The following SI variants were observed in gnomAD, a reference collection of about 807,000 sequenced individuals.
The protein encoded by SI is sucrase-isomaltase, also known as sucrase-isomaltase, intestinal.
SI carries 235 observed loss-of-function variants against 253.3 expected under a neutral mutation model. That is an observed-to-expected ratio of 0.93 (90% CI 0.83 to 1.03). The LOEUF (loss-of-function observed/expected upper bound fraction) is 1.03. SI is among the 50% of genes least tolerant of loss of function. SI has a pLI of 0.00. For synonymous variants in SI, 819 were observed against 712.0 expected (o/e 1.15, Z -2.39); for missense variants, 2,442 against 2,211.1 (o/e 1.10, Z -2.09).
chr3:165,040,712 A>G (rs762957627), intron 18 of SI, among the ~76,000 whole-genome samples: 17 of 152,024 alleles, frequency 1.1e-4, no homozygotes, highest in Non-Finnish European at 1.6e-4. Context: ...CATATTTTAT[A>G]TATCTTTTCC....
At chr3:165,023,874 T>C (rs1711762367) in intron 25 of SI, 98 bp from the exon 26 acceptor site, 1 of 844,576 alleles carries the variant, frequency 1.2e-6, no homozygotes, top group African/African-American at 1.7e-5. Context: ...TTGTATGATT[T>C]ACAAGTTTCA....
Position 164,996,502 on chromosome 3 carries a change from A to C in SI, c.4692+33T>G, listed in dbSNP as rs554576453. 1.9e-4 allele frequency: 223 copies of C among 1,152,744 alleles called. 3 individuals carry two copies. The South Asian group carries it at 2.7e-3, about 14-fold the overall frequency. The allele number at this position is 1,152,744 out of a possible 1,614,324, so 71.4% of individuals were successfully genotyped here. A position where few individuals can be genotyped will look rare whatever the true frequency, so the allele number is the denominator to read the frequency against. ...TATAATGAAGCATAGCCCAAGTAAG[A>C]AAATACTGAAAGTAAATGTAGTAAT... On this transcript the variant is annotated intron_variant, in intron 40 of 47. Coordinates refer to ENST00000264382, the MANE Select transcript of SI (RefSeq NM_001041.4).
Position 164,987,217 on chromosome 3 carries a change from T to C in SI, c.5118A>G (p.Lys1706=). The change falls in exon 45 of 48, where the codon AAA becomes AAG. Residue 1706 remains lysine (K), a synonymous_variant. Transcript: ENST00000264382. ...PAQNTFYSRQ[K]HMKLIVAADD... ...CTGCAGCAACAATGAGCTTCATGTG[T>C]TTTTGTCGACTATAAGAAAGAAATA... 6.2e-7 allele frequency: 1 copy of C among 1,613,184 alleles called. No homozygotes were observed. Among genetic ancestry groups the C allele is most frequent in the African/African-American group, 1.3e-5 (1 of 75,016 alleles).
chr3:165,038,520 C>T (rs1000842484), intron 20 of SI, among the ~76,000 whole-genome samples: 14 of 142,102 alleles, frequency 9.9e-5, no homozygotes, highest in Admixed American at 4.3e-4. Context: ...CTATCCTGGC[C>T]AACATGGTGA....
intron 37 of SI, among the ~76,000 whole-genome samples, chr3:165,005,739 G>T (rs926888157): frequency 6.6e-6 from 1 of 152,046 alleles, no homozygotes; most frequent in Non-Finnish European, 1.5e-5. Context: ...AATTATAGAT[G>T]ATTTCTATAT....
chr3:164,991,307 G>GTT, intron 44 of SI, 46 bp downstream of exon 44: 1 of 1,605,860 alleles, frequency 6.2e-7, no homozygotes, highest in Non-Finnish European at 8.5e-7. Context: ...ATGCTAGCAT[G>GTT]ATGTATCTCA....
chr3:165,002,352 C>T (rs962475589), intron 37 of SI, among the ~76,000 whole-genome samples: 4 of 151,564 alleles, frequency 2.6e-5, no homozygotes, highest in Non-Finnish European at 5.9e-5. Flanking sequence ...TTTTTATTTG[C>T]CATTAGTGTC....
At chr3:165,067,626 A>G in intron 5 of SI, 135 bp from the exon 6 acceptor site, 3 of 740,982 alleles carry the variant, frequency 4.0e-6, no homozygotes, top group Non-Finnish European at 6.7e-6. Flanking sequence ...TTAATTCAGA[A>G]CCTTAATTTT....
At position 165,059,060 on chromosome 3, in the gene SI, C is replaced by T. The variant is rs777219527; in HGVS notation, c.1301G>A (p.Arg434Gln). The change falls in exon 12 of 48, where the codon CGA (arginine) becomes CAA (glutamine). Residue 434 changes from arginine to glutamine, a missense_variant. By Grantham distance (43) the Arg-to-Gln change is conservative. Coordinates refer to ENST00000264382, the MANE Select transcript of SI (RefSeq NM_001041.4). ...TGCATATGTTGTTCCATTGGCACGT[C>T]GACCTATGGAAATTGCAGGGTCCTA... is the stretch of plus-strand genomic sequence containing the variant. The part of the protein sequence containing the change: ...IILDPAISIG[R>Q]RANGTTYATY... 21 of 1,612,302 alleles carry T rather than the reference C, an allele frequency of 1.3e-5. No homozygotes were observed. Among genetic ancestry groups the T allele is most frequent in the East Asian group, 6.7e-5 (3 of 44,692 alleles).
chr3:165,023,302 T>C (rs973193163), intron 26 of SI, among the ~76,000 whole-genome samples: 2 of 151,572 alleles, frequency 1.3e-5, no homozygotes, highest in African/African-American at 4.8e-5. Context: ...CAGCATAGTT[T>C]GATAATAAAT....
intron 36 of SI, among the ~76,000 whole-genome samples, chr3:165,007,469 T>G (rs982365269): frequency 3.3e-5 from 5 of 152,068 alleles, no homozygotes; most frequent in African/African-American, 1.2e-4. Context: ...AGATAAGTGT[T>G]AGCATTCTTT....
intron 3 of SI, among the ~76,000 whole-genome samples, chr3:165,072,809 A>G (rs1461343856): frequency 6.7e-6 from 1 of 149,506 alleles, no homozygotes; most frequent in East Asian, 2.0e-4. Flanking sequence ...TTTGTGAATA[A>G]GATACCATTT....
chr3:165,076,978 GTTTTTTTTTT>G (rs770851693), intron 1 of SI, among the ~76,000 whole-genome samples: 4 of 106,906 alleles, frequency 3.7e-5, no homozygotes, highest in African/African-American at 1.3e-4. Context: ...ATCACGGTTT[GTTTTTTTTTT>G]TTTTTTTGGT....
intron 13 of SI, among the ~76,000 whole-genome samples, chr3:165,053,858 G>T (rs2108239850): frequency 6.6e-6 from 1 of 152,028 alleles, no homozygotes; most frequent in East Asian, 1.9e-4. Flanking sequence ...AATAATATAA[G>T]AACTAGAATT....
intron 31 of SI, among the ~76,000 whole-genome samples, chr3:165,017,181 G>GTTGATGATACAGATTTCTTATCTTA (rs1353821985): frequency 6.6e-6 from 1 of 151,716 alleles, no homozygotes; most frequent in East Asian, 1.9e-4. Flanking sequence ...TTGTTCTCTG[G>GTTGATGATACAGATTTCTTATCTTA]TTGATGATAC....
chr3:165,082,559 T>G (rs143580392), upstream of SI, among the ~76,000 whole-genome samples: 37 of 152,132 alleles, frequency 2.4e-4, 1 homozygote, highest in East Asian at 6.0e-3. Flanking sequence ...TCTCCCCTAC[T>G]TTTCCCTTCA....
intron 2 of SI, 108 bp downstream of exon 2, chr3:165,075,787 A>T: frequency 3.0e-6 from 2 of 671,212 alleles, no homozygotes; most frequent in Admixed American, 2.2e-5. Context: ...GGATTTTTCT[A>T]TAAGTGTTTC....
chr3:165,086,032 T>A, the SI span, among the ~76,000 whole-genome samples: 1 of 152,046 alleles, frequency 6.6e-6, no homozygotes, highest in African/African-American at 2.4e-5. Flanking sequence ...GGTGGGTGGA[T>A]CACTTGAGGT....
intron 16 of SI, among the ~76,000 whole-genome samples, chr3:165,044,939 A>G (rs556278405): frequency 1.3e-5 from 2 of 152,172 alleles, no homozygotes; most frequent in East Asian, 3.9e-4. Context: ...GGTGTGAGAA[A>G]TTGACACATT....
Sources: allele counts gnomAD v4.1 joint callset (sites outside exome capture counted in the v4.1 genomes callset), GRCh38; gene constraint gnomAD v4.1.1; transcripts MANE v1.5; gene names NCBI Gene and HGNC (gene_info 2026-07-23, HGNC 2026-07-21).